PTBP3: variants seen among roughly 807,000 people sequenced by gnomAD.
PTBP3 encodes the protein polypyrimidine tract binding protein 3, also known as polypyrimidine tract-binding protein 3.
A neutral mutation model predicts 58.7 loss-of-function variants in PTBP3; 20 were observed. The observed-to-expected ratio is 0.34, with a 90% CI of 0.24 to 0.50. The LOEUF (loss-of-function observed/expected upper bound fraction) is 0.50. PTBP3 is among the 20% of genes least tolerant of loss of function. PTBP3 has a pLI of 0.98. For missense variants in PTBP3, 509 were observed against 637.2 expected, an observed-to-expected ratio of 0.80 and a Z score of 2.17; for synonymous variants, 185 against 219.8, an observed-to-expected ratio of 0.84 and a Z score of 1.40.
At chr9:112,233,467 T>C (rs954401765) in intron 8 of PTBP3, among the ~76,000 whole-genome samples, 10 of 152,104 alleles carry the variant, frequency 6.6e-5, no homozygotes, top group African/African-American at 2.2e-4. Flanking sequence ...CCACCAATTG[T>C]TAAACCTTGA....
chr9:112,242,077 T>C (rs769968325), intron 7 of PTBP3, among the ~76,000 whole-genome samples: 1 of 152,202 alleles, frequency 6.6e-6, no homozygotes, highest in Non-Finnish European at 1.5e-5. Context: ...AAAACTGCTA[T>C]GAACATTTGT....
chr9:112,256,307 A>T (rs7875325), intron 5 of PTBP3, among the ~76,000 whole-genome samples: 23 of 31,684 alleles, frequency 7.3e-4, no homozygotes, highest in African/African-American at 4.0e-3. Flanking sequence ...ATATATATAT[A>T]TATTTATCTA....
At chr9:112,225,136 T>C (rs1338815478) in intron 12 of PTBP3, among the ~76,000 whole-genome samples, 2 of 152,166 alleles carry the variant, frequency 1.3e-5, no homozygotes, top group African/African-American at 2.4e-5. Flanking sequence ...ATAACTAATA[T>C]AGTGGTCTAT....
intron 5 of PTBP3, 64 bp from the exon 6 acceptor site, chr9:112,252,852 A>T (rs1836186287): frequency 3.2e-6 from 3 of 932,958 alleles, no homozygotes; most frequent in Admixed American, 2.5e-5. Flanking sequence ...TATCTTTATA[A>T]ATACAACTTG....
At chr9:112,237,412 T>C (rs774917495) in intron 7 of PTBP3, among the ~76,000 whole-genome samples, 7 of 152,140 alleles carry the variant, frequency 4.6e-5, no homozygotes, top group African/African-American at 1.2e-4. Context: ...ACCACCATGA[T>C]AGCAACCAAG....
chr9:112,293,426 A>T (rs561988432), intron 2 of PTBP3, among the ~76,000 whole-genome samples: 7 of 152,334 alleles, frequency 4.6e-5, no homozygotes, highest in Admixed American at 3.3e-4. Flanking sequence ...AACATACACA[A>T]AATACAGTAC....
chr9:112,269,924 G>A (rs1037786880), intron 3 of PTBP3, among the ~76,000 whole-genome samples: 3 of 148,708 alleles, frequency 2.0e-5, no homozygotes, highest in Non-Finnish European at 4.4e-5. Flanking sequence ...TTAATTAAGT[G>A]GCAATTTTCC....
intron 2 of PTBP3, among the ~76,000 whole-genome samples, chr9:112,297,221 T>G (rs1052921192): frequency 1.3e-5 from 2 of 152,228 alleles, no homozygotes; most frequent in African/African-American, 4.8e-5. Context: ...TTTTTTGTTT[T>G]TGAGATGGAG....
chr9:112,249,370 G>C (rs1334240481), intron 7 of PTBP3, among the ~76,000 whole-genome samples: 2 of 152,086 alleles, frequency 1.3e-5, no homozygotes. Flanking sequence ...TAAGGACATA[G>C]TGCTTATGAC....
At chr9:112,261,094 CAT>C (rs1836575827) in intron 5 of PTBP3, among the ~76,000 whole-genome samples, 1 of 152,208 alleles carries the variant, frequency 6.6e-6, no homozygotes, top group African/African-American at 2.4e-5. Context: ...CTAAAGATCA[CAT>C]TAGTCTTCAA....
the PTBP3 span, among the ~76,000 whole-genome samples, chr9:112,371,646 A>AC: frequency 7.8e-6 from 1 of 127,544 alleles, no homozygotes; most frequent in Non-Finnish European, 1.6e-5. Context: ...TTTTTAGTAG[A>AC]TTTTTTTTTT....
chr9:112,265,627 T>C (rs116737812), intron 4 of PTBP3, among the ~76,000 whole-genome samples: 1,818 of 152,108 alleles, frequency 0.012, 36 homozygotes, highest in African/African-American at 0.042. Flanking sequence ...AGGTTAAACA[T>C]AGAATGCATA....
At chr9:112,365,630 T>C in the PTBP3 span, among the ~76,000 whole-genome samples, 3 of 152,176 alleles carry the variant, frequency 2.0e-5, no homozygotes, top group South Asian at 6.2e-4. Flanking sequence ...GTACCAGTGG[T>C]GTGGGGTGCT....
chr9:112,315,622 A>T (rs1031262124), intron 1 of PTBP3, among the ~76,000 whole-genome samples: 1 of 152,196 alleles, frequency 6.6e-6, no homozygotes, highest in Non-Finnish European at 1.5e-5. Context: ...AAACTATTTT[A>T]AAAAAGAAAG....
chr9:112,295,534 GAAGAACA>G (rs1828640536), intron 2 of PTBP3, among the ~76,000 whole-genome samples: 2 of 143,118 alleles, frequency 1.4e-5, no homozygotes, highest in African/African-American at 5.3e-5. Context: ...TAGCTATAAT[GAAGAACA>G]GAAGAGTAGC....
chr9:112,251,271 G>C (rs1367292103), intron 6 of PTBP3, among the ~76,000 whole-genome samples, 168 bp from the exon 7 acceptor site: 1 of 152,086 alleles, frequency 6.6e-6, no homozygotes, highest in African/African-American at 2.4e-5. Flanking sequence ...ATGAGCCTAA[G>C]AGAGAAAAAG....
At chr9:112,307,226 G>C (rs1427899888) in intron 1 of PTBP3, among the ~76,000 whole-genome samples, 1 of 152,154 alleles carries the variant, frequency 6.6e-6, no homozygotes, top group East Asian at 1.9e-4. Flanking sequence ...GCCAAGGTGG[G>C]GGGATCACTT....
At chr9:112,328,748 C>T (rs1306702153) in intron 1 of PTBP3, among the ~76,000 whole-genome samples, 1 of 152,082 alleles carries the variant, frequency 6.6e-6, no homozygotes, top group African/African-American at 2.4e-5. Context: ...TATGATCATG[C>T]CACCACTGCA....
In PTBP3 at chr9:112,275,738, T is replaced by C. The variant is rs1042749214; in HGVS notation, c.204+106A>G. On this transcript the variant is annotated intron_variant, in intron 3 of 13. Coordinates refer to ENST00000374257, the MANE Select transcript of PTBP3 (RefSeq NM_001163788.4). The stretch of plus-strand genomic sequence containing the variant: ...TACTTTTAAAACTAACTTATGTTCA[T>C]AGTATGAAATTTTAAAAATACAGAA... 13 of 1,064,514 alleles carry C rather than the reference T, an allele frequency of 1.2e-5. No individual in the cohort carries two copies. The African/African-American group carries it at 1.3e-4, about 11-fold the overall frequency. 65.9% of individuals were successfully genotyped at this position (1,064,514 alleles called of 1,614,324 possible). A position where few individuals can be genotyped will look rare whatever the true frequency, so the allele number is the denominator to read the frequency against.
Sources: gnomAD v4.1 joint callset for allele counts (sites outside exome capture counted in the v4.1 genomes callset) on GRCh38, gnomAD v4.1.1 for gene constraint, MANE v1.5 for transcripts, NCBI Gene and HGNC (gene_info 2026-07-23, HGNC 2026-07-21) for gene names.